KIAA1549L: variants seen among roughly 807,000 people sequenced by gnomAD.
The protein encoded by KIAA1549L is UPF0606 protein KIAA1549L.
Under a neutral mutation model 160.7 loss-of-function variants are expected in KIAA1549L, and 88 were observed. The ratio of observed to expected loss-of-function variants is 0.55; its 90% CI spans 0.46 to 0.65. The LOEUF (loss-of-function observed/expected upper bound fraction) is 0.65. KIAA1549L is among the 30% of genes least tolerant of loss of function. The pLI, the probability that KIAA1549L is intolerant of heterozygous loss-of-function variation, is 0.00. For missense variants in KIAA1549L, 2,258 were observed against 2,437.5 expected (o/e 0.93, Z 1.55); for synonymous variants, 950 against 976.7 (o/e 0.97, Z 0.51).
intron 1 of KIAA1549L, among the ~76,000 whole-genome samples, chr11:33,539,535 T>G (rs999764944): frequency 2.0e-5 from 3 of 152,262 alleles, no homozygotes; most frequent in Non-Finnish European, 2.9e-5. Flanking sequence ...CCATAGGGGA[T>G]GCAGGCTGGT....
In KIAA1549L at chr11:33,591,272, G is replaced by A. The variant is rs1850042842; in HGVS notation, c.4602G>A (p.Leu1534=). The part of the protein sequence containing the change: ...VQGFDYAKQH[L]GQQGADEEVI... ...GCTTTGATTATGCCAAGCAACACCTGGGCCAGCAAGGGGCAGATGAGGAGG... is the reference window on the plus strand; with the variant it reads ...GCTTTGATTATGCCAAGCAACACCTAGGCCAGCAAGGGGCAGATGAGGAGG... Residue 1534 remains leucine (L), a synonymous_variant, in exon 12 of 21, where the codon CTG becomes CTA. Coordinates refer to ENST00000658780, the MANE Select transcript of KIAA1549L (RefSeq NM_012194.3). 1.2e-6 allele frequency: 2 copies of A among 1,613,268 alleles called. No homozygotes were observed. Among genetic ancestry groups the A allele is most frequent in the Non-Finnish European group, 1.7e-6 (2 of 1,179,556 alleles).
chr11:33,416,484 A>G (rs2134095589), intron 1 of KIAA1549L, among the ~76,000 whole-genome samples: 1 of 152,316 alleles, frequency 6.6e-6, no homozygotes. Context: ...CAACACAACA[A>G]TAAAAATAAT....
At chr11:33,624,574 A>AG (rs774733813) in intron 16 of KIAA1549L, among the ~76,000 whole-genome samples, 1 of 152,218 alleles carries the variant, frequency 6.6e-6, no homozygotes, top group African/African-American at 2.4e-5. Context: ...TGAAAGAAAA[A>AG]GGAAAAAAAA....
chr11:33,501,364 C>T (rs1173537244), intron 1 of KIAA1549L, among the ~76,000 whole-genome samples: 2 of 152,176 alleles, frequency 1.3e-5, no homozygotes, highest in Non-Finnish European at 2.9e-5. Context: ...ATTTAGATAA[C>T]ATATCTCTCA....
intron 16 of KIAA1549L, among the ~76,000 whole-genome samples, chr11:33,643,827 G>C (rs1424197509): frequency 6.6e-6 from 1 of 152,228 alleles, no homozygotes; most frequent in Non-Finnish European, 1.5e-5. Flanking sequence ...GCATTGTGAA[G>C]AACGTAACTT....
chr11:33,551,561 T>C (rs1364413213), intron 5 of KIAA1549L, among the ~76,000 whole-genome samples: 1 of 146,752 alleles, frequency 6.8e-6, no homozygotes, highest in Admixed American at 6.9e-5. Context: ...CAGTGGGTAC[T>C]AATAATAGTT....
At chr11:33,620,326 G>T (rs1289724866) in intron 16 of KIAA1549L, among the ~76,000 whole-genome samples, 2 of 152,148 alleles carry the variant, frequency 1.3e-5, no homozygotes, top group Non-Finnish European at 1.5e-5. Context: ...CTTTAAAATA[G>T]ATACTGCTTT....
At chr11:33,402,377 C>T (rs548623210) in intron 1 of KIAA1549L, among the ~76,000 whole-genome samples, 2 of 152,324 alleles carry the variant, frequency 1.3e-5, no homozygotes, top group South Asian at 4.1e-4. Context: ...CCTCCTCTTA[C>T]AGCCTCTACT....
intron 12 of KIAA1549L, among the ~76,000 whole-genome samples, chr11:33,598,259 A>C (rs928950626): frequency 2.0e-5 from 3 of 150,718 alleles, no homozygotes; most frequent in African/African-American, 7.4e-5. Context: ...ATGGGGTATT[A>C]TGCAAAGAAT....
At chr11:33,540,443 A>G (rs1179700148) in intron 1 of KIAA1549L, among the ~76,000 whole-genome samples, 1 of 152,244 alleles carries the variant, frequency 6.6e-6, no homozygotes, top group African/African-American at 2.4e-5. Context: ...ATTTACCCAT[A>G]TAAGTAACCA....
chr11:33,650,793 G>GGACT (rs751409921), intron 17 of KIAA1549L, among the ~76,000 whole-genome samples: 1 of 152,082 alleles, frequency 6.6e-6, no homozygotes, highest in Non-Finnish European at 1.5e-5. Context: ...CCACCACACA[G>GGACT]GACTGTTAAA....
At chr11:33,431,010 A>G (rs1158908065) in intron 1 of KIAA1549L, among the ~76,000 whole-genome samples, 2 of 151,456 alleles carry the variant, frequency 1.3e-5, no homozygotes, top group African/African-American at 2.4e-5. Flanking sequence ...ATGTGTTCGG[A>G]GTTTCTTCCT....
chr11:33,464,524 G>GC (rs71034692), intron 1 of KIAA1549L, among the ~76,000 whole-genome samples: 47,941 of 146,332 alleles, frequency 0.33, 8,212 homozygotes, highest in Middle Eastern at 0.42. Context: ...GTGCGCGCAT[G>GC]CCCCCCCCCA....
intron 3 of KIAA1549L, among the ~76,000 whole-genome samples, chr11:33,546,368 G>A (rs1003913883): frequency 1.3e-5 from 2 of 152,090 alleles, no homozygotes; most frequent in African/African-American, 4.8e-5. Context: ...TGGGTGGCAG[G>A]CAGCCCTGGC....
At chr11:33,512,110 G>T (rs1853240284) in intron 1 of KIAA1549L, among the ~76,000 whole-genome samples, 1 of 152,124 alleles carries the variant, frequency 6.6e-6, no homozygotes, top group Non-Finnish European at 1.5e-5. Flanking sequence ...TCTAATTTTA[G>T]CACTCTAGAG....
Position 33,401,187 on chromosome 11 carries a change from T to TTA in KIAA1549L, c.238+24312_238+24313dup, listed in dbSNP as rs200748899. ...TGAGTAAGCGTGGCTGTGGCTCATA[T>TTA]TATATATATATATATGTAAAATATA... is the stretch of plus-strand genomic sequence containing the variant. On this transcript the variant is annotated intron_variant, in intron 1 of 20. Coordinates refer to ENST00000658780, the MANE Select transcript of KIAA1549L (RefSeq NM_012194.3). 1.9e-3 allele frequency among the ~76,000 whole-genome samples: 278 copies of TTA among 147,770 alleles called. 2 individuals are homozygous for TTA. Among genetic ancestry groups the TTA allele is most frequent in the East Asian group, 4.7e-3 (24 of 5,124 alleles).
intron 9 of KIAA1549L, among the ~76,000 whole-genome samples, chr11:33,573,235 A>G (rs10742297): frequency 1 from 151,841 of 152,308 alleles, 75,687 homozygotes; most frequent in Middle Eastern, 1. Context: ...GGGTAAGAAC[A>G]TTACCCTTAC....
chr11:33,455,097 A>G (rs1301603349), intron 1 of KIAA1549L, among the ~76,000 whole-genome samples: 1 of 152,180 alleles, frequency 6.6e-6, no homozygotes, highest in East Asian at 1.9e-4. Flanking sequence ...TCAAAAAACA[A>G]AACAAAACAA....
chr11:33,547,985 G>T, intron 4 of KIAA1549L, 106 bp downstream of exon 4: 1 of 718,266 alleles, frequency 1.4e-6, no homozygotes, highest in Non-Finnish European at 2.4e-6. Context: ...AACAACACTG[G>T]CCAGAAGTAG....
Sources: allele counts gnomAD v4.1 joint callset (sites outside exome capture counted in the v4.1 genomes callset), GRCh38; gene constraint gnomAD v4.1.1; transcripts MANE v1.5; gene names NCBI Gene and HGNC (gene_info 2026-07-23, HGNC 2026-07-21).